The following NUP155 variants were observed in gnomAD, a reference collection of about 807,000 sequenced individuals.
NUP155 encodes the protein nucleoporin 155, also known as nuclear pore complex protein Nup155.
Under a neutral mutation model 180.4 loss-of-function variants are expected in NUP155, and 71 were observed. The observed-to-expected ratio is 0.39, with a 90% CI of 0.33 to 0.48. The LOEUF is 0.48. NUP155 is among the 20% of genes least tolerant of loss of function. The probability of loss-of-function intolerance (pLI) is 0.91; values close to 1 mark genes in which losing one functional copy is unlikely to be tolerated. For synonymous variants in NUP155, 582 were observed against 559.5 expected, an observed-to-expected ratio of 1.04 and a Z score of -0.57; for missense variants, 1,553 against 1,648.9, an observed-to-expected ratio of 0.94 and a Z score of 1.01.
At chr5:37,314,099 A>T (rs1394821628) in intron 22 of NUP155, 99 bp downstream of exon 22, 2 of 847,870 alleles carry the variant, frequency 2.4e-6, no homozygotes, top group East Asian at 5.3e-5. Context: ...TCATAACTTA[A>T]ATGCTTCCCA....
chr5:37,316,621 C>T (rs900665766), intron 21 of NUP155, among the ~76,000 whole-genome samples: 4 of 151,992 alleles, frequency 2.6e-5, no homozygotes, highest in East Asian at 3.9e-4. Context: ...CCCGCCACCA[C>T]GCCTGGCTAA....
chr5:37,352,555 C>G (rs1395456993), intron 5 of NUP155, among the ~76,000 whole-genome samples, 182 bp downstream of exon 5: 1 of 151,848 alleles, frequency 6.6e-6, no homozygotes, highest in Non-Finnish European at 1.5e-5. Flanking sequence ...CAAAACAAAA[C>G]AAAACAAAAC....
intron 20 of NUP155, among the ~76,000 whole-genome samples, chr5:37,321,597 A>G (rs1270776220): frequency 6.6e-6 from 1 of 150,600 alleles, no homozygotes; most frequent in Non-Finnish European, 1.5e-5. Flanking sequence ...CATGCATGTA[A>G]TCCCAGCTAC....
intron 9 of NUP155, among the ~76,000 whole-genome samples, chr5:37,346,277 G>GA (rs35461317): frequency 2.6e-4 from 38 of 143,552 alleles, no homozygotes; most frequent in South Asian, 6.6e-4. Flanking sequence ...AACCCTGTCT[G>GA]AAAAAAAAAA....
intron 20 of NUP155, among the ~76,000 whole-genome samples, chr5:37,320,254 G>T (rs1744159790): frequency 6.6e-6 from 1 of 152,086 alleles, no homozygotes; most frequent in South Asian, 2.1e-4. Flanking sequence ...GAGGCGGGTG[G>T]ATAACCTGAG....
At chr5:37,357,396 T>C (rs1242662185) in intron 4 of NUP155, among the ~76,000 whole-genome samples, 3 of 32,364 alleles carry the variant, frequency 9.3e-5, no homozygotes, top group African/African-American at 4.0e-4. Flanking sequence ...AAGACCTTAA[T>C]CTCAAAAAAA....
At chr5:37,365,711 G>GGAAAA (rs1491216296) in intron 1 of NUP155, among the ~76,000 whole-genome samples, 2,459 of 34,020 alleles carry the variant, frequency 0.072, 952 homozygotes, top group Non-Finnish European at 0.089. Flanking sequence ...CTGTCTCGGG[G>GGAAAA]AGAAAAAAAA....
intron 32 of NUP155, among the ~76,000 whole-genome samples, chr5:37,297,929 C>T (rs1301165087): frequency 8.4e-6 from 1 of 118,922 alleles, no homozygotes; most frequent in Non-Finnish European, 1.7e-5. Flanking sequence ...TTTGAATGCT[C>T]ATTTGAAAAA....
intron 11 of NUP155, among the ~76,000 whole-genome samples, chr5:37,340,108 T>G (rs372322576): frequency 1.6e-4 from 24 of 152,238 alleles, no homozygotes; most frequent in East Asian, 1.2e-3. Flanking sequence ...AAAATTCATA[T>G]GAAAATTCAA....
At chr5:37,297,039 T>C (rs216398) in intron 32 of NUP155, among the ~76,000 whole-genome samples, 51,134 of 151,962 alleles carry the variant, frequency 0.34, 13,833 homozygotes, top group African/African-American at 0.76. Context: ...ATTAGCTAGG[T>C]GTGGCTAATT....
At chr5:37,311,697 T>C (rs1028862945) in intron 22 of NUP155, among the ~76,000 whole-genome samples, 57 of 151,522 alleles carry the variant, frequency 3.8e-4, no homozygotes, top group Admixed American at 1.3e-3. Context: ...TTGCAGCTAG[T>C]AACTGGGGAA....
intron 18 of NUP155, among the ~76,000 whole-genome samples, chr5:37,326,254 T>C (rs1010349514): frequency 3.3e-5 from 5 of 152,188 alleles, no homozygotes; most frequent in African/African-American, 1.2e-4. Flanking sequence ...TTTCATACTT[T>C]TAAGCAAATG....
rs986689226 is a variant in NUP155 at position 37,333,513 on chromosome 5, C to G, written c.1468G>C (p.Val490Leu). The G allele has an allele frequency of 6.2e-7, 1 of 1,613,896 alleles. No individual in the cohort carries two copies. Among genetic ancestry groups the G allele is most frequent in the Non-Finnish European group, 8.5e-7 (1 of 1,179,940 alleles). Residue 490 changes from valine to leucine, a missense_variant, in exon 13 of 35, where the codon GTA (valine) becomes CTA (leucine). Transcript: ENST00000231498. Reference sequence around the variant, plus strand: ...TTCGGAGGTAACATGTGCTGCTGTACAACAACTGGTGAATCAGTTATTGGA... The same window carrying G: ...TTCGGAGGTAACATGTGCTGCTGTAGAACAACTGGTGAATCAGTTATTGGA... ...HIPITDSPVV[V>L]QQHMLPPKKF...
chr5:37,359,797 A>C (rs1167959824), intron 3 of NUP155, among the ~76,000 whole-genome samples: 1 of 152,210 alleles, frequency 6.6e-6, no homozygotes, highest in Admixed American at 6.6e-5. Context: ...CAAGAAATGT[A>C]AAGTAACTAT....
chr5:37,329,561 T>C (rs192317274), intron 15 of NUP155, among the ~76,000 whole-genome samples: 1 of 152,250 alleles, frequency 6.6e-6, no homozygotes, highest in Non-Finnish European at 1.5e-5. Context: ...TAAATGGCAT[T>C]GTAATTTTCA....
chr5:37,306,864 T>G lies in NUP155; in HGVS notation c.2903+433A>C, dbSNP rs937322046. Among the ~76,000 whole-genome samples, 6 of 151,936 alleles carry G rather than the reference T, an allele frequency of 3.9e-5. No homozygotes were observed. The East Asian group carries it at 1.2e-3, about 30-fold the overall frequency. Reference sequence around the variant, plus strand: ...TAAAATGAAATCCTACTGGACATGGTGGCTCATGCCTGTAATCCCAGCACT... The same window carrying G: ...TAAAATGAAATCCTACTGGACATGGGGGCTCATGCCTGTAATCCCAGCACT... On this transcript the variant is annotated intron_variant, in intron 25 of 34. Transcript: ENST00000231498.
chr5:37,320,177 AAGAC>A (rs1295098304), intron 20 of NUP155, among the ~76,000 whole-genome samples: 3 of 149,460 alleles, frequency 2.0e-5, no homozygotes, highest in Non-Finnish European at 4.5e-5. Flanking sequence ...AAAAAGAGAA[AAGAC>A]AGACAGAGAT....
Position 37,289,914 on chromosome 5 carries a change from A to G in NUP155, c.*1986T>C, listed in dbSNP as rs1389602689. 1 of 152,182 alleles carries G rather than the reference A, an allele frequency of 6.6e-6. No individual in the cohort carries two copies. Among genetic ancestry groups the G allele is most frequent in the East Asian group, 1.9e-4 (1 of 5,200 alleles). The allele number at this position is 152,182 out of a possible 1,614,324, so 9.4% of individuals were successfully genotyped here. A position where few individuals can be genotyped will look rare whatever the true frequency, so the allele number is the denominator to read the frequency against. The stretch of plus-strand genomic sequence containing the variant: ...TACATTCACTTTACATATTCAAAAA[A>G]CGCTAAACTTAAGAAACTGAAAAGT... On this transcript the variant is annotated 3_prime_UTR_variant, in exon 35 of 35. Transcript: ENST00000231498.
At chr5:37,303,151 T>C (rs1380220686) in intron 28 of NUP155, 109 bp downstream of exon 28, 1 of 1,268,746 alleles carries the variant, frequency 7.9e-7, no homozygotes, top group Non-Finnish European at 1.1e-6. Context: ...TTAAAAAATT[T>C]AGGTCAGTAT....
Sources: gnomAD v4.1 joint callset for allele counts (sites outside exome capture counted in the v4.1 genomes callset) on GRCh38, gnomAD v4.1.1 for gene constraint, MANE v1.5 for transcripts, NCBI Gene and HGNC (gene_info 2026-07-23, HGNC 2026-07-21) for gene names.